The following NCOR1 variants were observed in gnomAD, a reference collection of about 807,000 sequenced individuals.
The protein encoded by NCOR1 is protein phosphatase 1, regulatory subunit 109.
In NCOR1, 63 loss-of-function variants were observed where a neutral mutation model predicts 288.1. The ratio of observed to expected loss-of-function variants is 0.22; its 90% CI spans 0.18 to 0.27. The LOEUF is 0.27. NCOR1 is among the 10% of genes least tolerant of loss of function. The pLI, the probability that NCOR1 is intolerant of heterozygous loss-of-function variation, is 1.00. For missense variants in NCOR1, 2,397 were observed against 3,019.2 expected, an observed-to-expected ratio of 0.79 and a Z score of 4.83; for synonymous variants, 1,007 against 1,065.9, an observed-to-expected ratio of 0.94 and a Z score of 1.08.
intron 23 of NCOR1, 75 bp from the exon 24 acceptor site, chr17:16,080,802 A>G: frequency 7.1e-7 from 1 of 1,405,418 alleles, no homozygotes; most frequent in Non-Finnish European, 9.6e-7. Context: ...TCACAAAGTC[A>G]GCATTCCCAT....
At position 16,188,038 on chromosome 17, in the gene NCOR1, G is replaced by A. The variant is rs554864895; in HGVS notation, c.109-1351C>T. Reference sequence around the variant, plus strand: ...GTTATGGGGTTTCGTTGCAGGTGATGGAGATGTCCTGAAATCAGGTAGTGG... The same window carrying A: ...GTTATGGGGTTTCGTTGCAGGTGATAGAGATGTCCTGAAATCAGGTAGTGG... On this transcript the variant is annotated intron_variant, in intron 2 of 45. Transcript: ENST00000268712. Among the ~76,000 whole-genome samples, 5 of 152,244 alleles carry A rather than the reference G, an allele frequency of 3.3e-5. No individual in the cohort carries two copies. The East Asian group carries it at 9.6e-4, about 29-fold the overall frequency.
In NCOR1 at chr17:16,106,906, T is replaced by C. The variant is rs1457120924; in HGVS notation, c.2182+1880A>G. On this transcript the variant is annotated intron_variant, in intron 19 of 45. Transcript: ENST00000268712. ...ATATTTTTTTTTTTTTTTTTTTTTT[T>C]TTTTTTGAGACAGTCTCGCTCTGTC... 6.8e-3 allele frequency among the ~76,000 whole-genome samples: 830 copies of C among 122,730 alleles called. 2 individuals carry two copies. Among genetic ancestry groups the C allele is most frequent in the Non-Finnish European group, 0.012 (685 of 58,974 alleles). The allele number at this position is 122,730 out of a possible 152,430, so 80.5% of individuals were successfully genotyped here. A position where few individuals can be genotyped will look rare whatever the true frequency, so the allele number is the denominator to read the frequency against.
rs754618645 is a variant in NCOR1, at chr17:16,075,650, C to G, written c.3554G>C (p.Gly1185Ala). 6.2e-7 allele frequency: 1 copy of G among 1,614,134 alleles called. No homozygotes were observed. The highest frequency in any genetic ancestry group is 8.5e-7 in the Non-Finnish European group (1 of 1,180,026). The change falls in exon 27 of 46, where the codon GGG (glycine) becomes GCG (alanine). Residue 1185 changes from glycine to alanine, a missense_variant. Transcript: ENST00000268712. ...TTCAATGGGCATTCTCGAAATGGAC[C>G]CCTTCACCAAAGCCTCTGTTGGTAT... ...TGIPTEALVK[G>A]SISRMPIEDS...
chr17:16,175,028 T>G (rs2083836956), intron 3 of NCOR1, among the ~76,000 whole-genome samples: 1 of 148,736 alleles, frequency 6.7e-6, no homozygotes, highest in Non-Finnish European at 1.5e-5. Context: ...ATAAATAAAC[T>G]GTGGTATAAA....
At chr17:16,034,519 G>C (rs1973637353) in intron 45 of NCOR1, among the ~76,000 whole-genome samples, 1 of 152,018 alleles carries the variant, frequency 6.6e-6, no homozygotes, top group Non-Finnish European at 1.5e-5. Context: ...CAGGTGAGAG[G>C]ATCACCTGAG....
At chr17:16,035,599 A>C (rs528670517) in intron 44 of NCOR1, among the ~76,000 whole-genome samples, 4 of 150,934 alleles carry the variant, frequency 2.7e-5, no homozygotes, top group African/African-American at 9.8e-5. Context: ...GCAGTGGCAC[A>C]ATCACGGCTT....
intron 44 of NCOR1, among the ~76,000 whole-genome samples, chr17:16,037,950 C>A (rs950209441): frequency 1.3e-5 from 2 of 152,184 alleles, no homozygotes; most frequent in African/African-American, 4.8e-5. Flanking sequence ...TCCTATACAA[C>A]CAGTACAATT....
intron 20 of NCOR1, 47 bp downstream of exon 20, chr17:16,101,203 C>T (rs2067570351): frequency 6.6e-7 from 1 of 1,523,086 alleles, no homozygotes; most frequent in Non-Finnish European, 8.8e-7. Flanking sequence ...GATTCAGTCA[C>T]CAACCAGCAG....
intron 22 of NCOR1, among the ~76,000 whole-genome samples, chr17:16,091,313 A>G (rs1487847604): frequency 3.3e-5 from 5 of 152,256 alleles, no homozygotes; most frequent in African/African-American, 1.2e-4. Flanking sequence ...TTAACTTTAC[A>G]ACCACAGCAA....
In NCOR1 at chr17:16,086,347, G is replaced by A. The variant is rs2152862918; in HGVS notation, c.3112C>T (p.Pro1038Ser). The change falls in exon 23 of 46, where the codon CCG becomes TCG. Residue 1038 changes from proline (P) to serine (S), a missense_variant. Pro to Ser is a moderately conservative substitution (Grantham distance 74, BLOSUM62 -1). This residue lies in a region of NCOR1 where 1,872 missense variants were observed against 2,187.8 expected (regional missense o/e 0.86). Coordinates refer to ENST00000268712, the MANE Select transcript of NCOR1 (RefSeq NM_006311.4). ...GAAGCCACTGTGGTTTTGGATGACG[G>A]GATGAGAGGGGGCGGTGGCCTGGTT... is the stretch of plus-strand genomic sequence containing the variant. Reference protein sequence around the residue: ...RPTRPPPPLIPSSKTTVASEK... With the variant: ...RPTRPPPPLISSSKTTVASEK... 1 of 1,614,160 alleles carries A rather than the reference G, an allele frequency of 6.2e-7. No individual in the cohort carries two copies.
intron 18 of NCOR1, among the ~76,000 whole-genome samples, chr17:16,112,942 G>A (rs954137370): frequency 2.0e-5 from 3 of 151,748 alleles, no homozygotes; most frequent in African/African-American, 7.3e-5. Flanking sequence ...ATGGAATCTC[G>A]CTCTGTCGCC....
chr17:16,075,685 G>T lies in NCOR1; in HGVS notation c.3519C>A (p.Pro1173=). ...GSITQGTPAL[P]QTGIPTEALV... ...AAGCCTCTGTTGGTATGCCAGTCTG[G>T]GGCAGAGCCGGGGTGCCCTGCCATC... Residue 1173 remains proline, a synonymous_variant, in exon 27 of 46, where the codon CCC becomes CCA. Transcript: ENST00000268712. 6.2e-7 allele frequency: 1 copy of T among 1,614,084 alleles called. No individual in the cohort carries two copies. The highest frequency in any genetic ancestry group is 8.5e-7 in the Non-Finnish European group (1 of 1,180,014).
chr17:16,155,368 A>T (rs559922236), intron 6 of NCOR1, among the ~76,000 whole-genome samples: 29 of 138,576 alleles, frequency 2.1e-4, no homozygotes, highest in African/African-American at 4.5e-4. Context: ...AAAAAAAAAA[A>T]ATACACACAC....
intron 1 of NCOR1, among the ~76,000 whole-genome samples, chr17:16,199,216 A>AAAACACAC (rs1337668798): frequency 1.9e-3 from 229 of 122,298 alleles, no homozygotes; most frequent in African/African-American, 3.3e-3. Flanking sequence ...AAAAAAAAAA[A>AAAACACAC]ACACACACAC....
chr17:16,091,978 C>T lies in NCOR1; in HGVS notation c.2901G>A (p.Met967Ile). Residue 967 changes from methionine (M) to isoleucine (I), a missense_variant, in exon 22 of 46, where the codon ATG (methionine) becomes ATA (isoleucine). Transcript: ENST00000268712. ...GCTCCTCCAGGAGTGCTGACTCATG[C>T]ATTGCTTTAATGTGTCGCTGGTAGA... is the stretch of plus-strand genomic sequence containing the variant. ...YALYQRHIKA[M>I]HESALLEEQR... 6.2e-7 allele frequency: 1 copy of T among 1,614,208 alleles called. No homozygotes were observed. Among genetic ancestry groups the T allele is most frequent in the Non-Finnish European group, 8.5e-7 (1 of 1,180,040 alleles).
intron 40 of NCOR1, chr17:16,056,872 A>G (rs961625520): frequency 2.0e-5 from 3 of 151,810 alleles, no homozygotes; most frequent in Non-Finnish European, 4.4e-5. Flanking sequence ...GTGTGCATAT[A>G]TATATGTGTG....
intron 23 of NCOR1, among the ~76,000 whole-genome samples, chr17:16,081,888 A>C (rs1383504258): frequency 2.0e-5 from 3 of 152,218 alleles, no homozygotes; most frequent in Non-Finnish European, 4.4e-5. Context: ...CAAGGCTATG[A>C]ATATGCCTAG....
chr17:16,148,521 C>A (rs2078333234), intron 9 of NCOR1, among the ~76,000 whole-genome samples: 1 of 151,762 alleles, frequency 6.6e-6, no homozygotes, highest in Non-Finnish European at 1.5e-5. Context: ...GATATTTAAG[C>A]AAATCGGTGA....
intron 22 of NCOR1, among the ~76,000 whole-genome samples, chr17:16,088,654 G>A (rs1161437925): frequency 1.3e-5 from 2 of 152,082 alleles, no homozygotes; most frequent in African/African-American, 4.8e-5. Flanking sequence ...TGATATTCAA[G>A]TGCTAGGCAG....
Sources: gnomAD v4.1 joint callset for allele counts (sites outside exome capture counted in the v4.1 genomes callset) on GRCh38, gnomAD v4.1.1 for gene constraint, gnomAD v4.1.1 regional missense constraint, MANE v1.5 for transcripts, NCBI Gene and HGNC (gene_info 2026-07-23, HGNC 2026-07-21) for gene names.